The following KCNJ3 variants were observed in gnomAD, a reference collection of about 807,000 sequenced individuals.
The protein encoded by KCNJ3 is potassium inwardly rectifying channel subfamily J member 3, also known as G protein-activated inward rectifier potassium channel 1.
Under a neutral mutation model 39.2 loss-of-function variants are expected in KCNJ3, and 4 were observed. That is an observed-to-expected ratio of 0.10 (90% CI 0.05 to 0.23). The LOEUF is 0.23. Among genes scored for constraint, KCNJ3 ranks in the 10% least tolerant of loss-of-function variants. The pLI is 1.00. For missense variants in KCNJ3, 276 were observed against 634.9 expected (o/e 0.43, Z 6.08); for synonymous variants, 230 against 237.4 (o/e 0.97, Z 0.29).
chr2:154,850,008 C>CTTTTTTTTTTTTTTTTTTTTTTTTTT (rs373062062), intron 2 of KCNJ3, among the ~76,000 whole-genome samples: 3 of 48,862 alleles, frequency 6.1e-5, no homozygotes, highest in African/African-American at 8.0e-5. Context: ...CAGAATAAAT[C>CTTTTTTTTTTTTTTTTTTTTTTTTTT]TTTTTTTTTT....
chr2:154,848,912 C>T (rs1375218919), intron 2 of KCNJ3, among the ~76,000 whole-genome samples: 1 of 152,118 alleles, frequency 6.6e-6, no homozygotes, highest in African/African-American at 2.4e-5. Flanking sequence ...CAAATCTGGT[C>T]CCCTTGACCA....
At chr2:154,852,847 C>A (rs1021028611) in intron 2 of KCNJ3, among the ~76,000 whole-genome samples, 2 of 151,812 alleles carry the variant, frequency 1.3e-5, no homozygotes, top group African/African-American at 2.4e-5. Context: ...CTATTCCTCA[C>A]GTAAAATTGA....
At chr2:154,704,463 A>G (rs1684963908) in intron 1 of KCNJ3, among the ~76,000 whole-genome samples, 1 of 152,190 alleles carries the variant, frequency 6.6e-6, no homozygotes, top group South Asian at 2.1e-4. Context: ...ATCTATTATA[A>G]AATAAATTAC....
At position 154,858,218 on chromosome 2, in the gene KCNJ3, A is replaced by C. The variant is rs1687876548; in HGVS notation, c.*2905A>C. On this transcript the variant is annotated 3_prime_UTR_variant, in exon 3 of 3. Transcript: ENST00000295101. ...GAAAATTCCAGTTTATACCTGTTGT[A>C]CCTGTGTAATTATTGGTAGCACTCC... The C allele has an allele frequency of 6.6e-6, 1 of 152,106 alleles. No individual in the cohort carries two copies. Among genetic ancestry groups the C allele is most frequent in the African/African-American group, 2.4e-5 (1 of 41,406 alleles). The allele number at this position is 152,106 out of a possible 1,614,324, so 9.4% of individuals were successfully genotyped here. A position where few individuals can be genotyped will look rare whatever the true frequency, so the allele number is the denominator to read the frequency against.
intron 2 of KCNJ3, among the ~76,000 whole-genome samples, chr2:154,813,343 TGTTAATG>T (rs1400818801): frequency 2.0e-4 from 31 of 152,156 alleles, no homozygotes; most frequent in Non-Finnish European, 1.5e-5. Flanking sequence ...AAGATTATGT[TGTTAATG>T]GTACCCTGAG....
intron 2 of KCNJ3, among the ~76,000 whole-genome samples, chr2:154,744,379 T>C (rs555396184): frequency 2.6e-5 from 4 of 151,946 alleles, no homozygotes; most frequent in African/African-American, 9.6e-5. Context: ...ACTTGTTTTT[T>C]TGGAAGGTAT....
chr2:154,818,208 C>A (rs1687114069), intron 2 of KCNJ3, among the ~76,000 whole-genome samples: 1 of 151,992 alleles, frequency 6.6e-6, no homozygotes. Flanking sequence ...CCATATGTAA[C>A]CTTGGACTCC....
At chr2:154,809,245 C>A (rs548981375) in intron 2 of KCNJ3, among the ~76,000 whole-genome samples, 81 of 152,278 alleles carry the variant, frequency 5.3e-4, no homozygotes, top group African/African-American at 1.9e-3. Context: ...CCTGGTAAAT[C>A]AACCAGGTTT....
intron 2 of KCNJ3, among the ~76,000 whole-genome samples, chr2:154,761,294 T>G (rs1030199381): frequency 2.0e-5 from 3 of 152,138 alleles, no homozygotes; most frequent in Non-Finnish European, 2.9e-5. Flanking sequence ...TTTGTTTATA[T>G]TGCCATTTGT....
At chr2:154,727,359 G>A (rs977197862) in intron 2 of KCNJ3, among the ~76,000 whole-genome samples, 1 of 151,758 alleles carries the variant, frequency 6.6e-6, no homozygotes, top group African/African-American at 2.4e-5. Flanking sequence ...GCTGAGATGG[G>A]CGGATCACCT....
chr2:154,789,676 A>T (rs1166879053), intron 2 of KCNJ3, among the ~76,000 whole-genome samples: 1 of 152,124 alleles, frequency 6.6e-6, no homozygotes, highest in Non-Finnish European at 1.5e-5. Flanking sequence ...ATATACACAC[A>T]TATGTAGGTA....
chr2:154,814,541 G>T (rs1052898531), intron 2 of KCNJ3, among the ~76,000 whole-genome samples: 1 of 152,064 alleles, frequency 6.6e-6, no homozygotes, highest in Admixed American at 6.5e-5. Context: ...GGAGGCTGAG[G>T]CAGGAGAATC....
At chr2:154,746,651 T>C (rs1046707849) in intron 2 of KCNJ3, among the ~76,000 whole-genome samples, 2 of 141,976 alleles carry the variant, frequency 1.4e-5, no homozygotes, top group African/African-American at 5.5e-5. Context: ...TGTATATATA[T>C]GTGTGTGTGT....
chr2:154,780,182 A>G (rs531770000), intron 2 of KCNJ3, among the ~76,000 whole-genome samples: 4 of 152,306 alleles, frequency 2.6e-5, no homozygotes, highest in South Asian at 4.1e-4. Flanking sequence ...TGGTAAAGAA[A>G]AAAAGGCACA....
intron 2 of KCNJ3, among the ~76,000 whole-genome samples, chr2:154,841,402 T>C (rs941982322): frequency 1.1e-4 from 17 of 152,332 alleles, no homozygotes; most frequent in Admixed American, 1.0e-3. Flanking sequence ...TCTTTTTTTG[T>C]TGTGTCTCTG....
chr2:154,729,023 T>G (rs969398110), intron 2 of KCNJ3, among the ~76,000 whole-genome samples: 1 of 152,170 alleles, frequency 6.6e-6, no homozygotes, highest in Non-Finnish European at 1.5e-5. Flanking sequence ...GGTTCTAAGT[T>G]TAACTCAGCT....
At chr2:154,807,768 G>C (rs562845500) in intron 2 of KCNJ3, among the ~76,000 whole-genome samples, 1 of 152,314 alleles carries the variant, frequency 6.6e-6, no homozygotes, top group South Asian at 2.1e-4. Flanking sequence ...AGATCTAAGA[G>C]TTGTTTAAAT....
intron 2 of KCNJ3, among the ~76,000 whole-genome samples, chr2:154,772,862 T>C (rs954040245): frequency 3.3e-5 from 5 of 152,078 alleles, no homozygotes; most frequent in East Asian, 3.9e-4. Context: ...GCTTCAATCA[T>C]ACAAACTGTG....
At chr2:154,705,342 G>T (rs116490567) in intron 1 of KCNJ3, among the ~76,000 whole-genome samples, 5,456 of 152,244 alleles carry the variant, frequency 0.036, 164 homozygotes, top group Non-Finnish European at 0.048. Context: ...GATCATGTAT[G>T]TATATGTATG....
Sources: allele counts gnomAD v4.1 joint callset (sites outside exome capture counted in the v4.1 genomes callset), GRCh38; gene constraint gnomAD v4.1.1; transcripts MANE v1.5; gene names NCBI Gene and HGNC (gene_info 2026-07-23, HGNC 2026-07-21).